The following PDPK1 variants were observed in gnomAD, a reference collection of about 807,000 sequenced individuals.
PDPK1 encodes the protein 3-phosphoinositide dependent protein kinase 1.
PDPK1 carries 7 observed loss-of-function variants against 39.8 expected under a neutral mutation model. That is an observed-to-expected ratio of 0.18 (90% CI 0.10 to 0.33). PDPK1 has a LOEUF of 0.33. Among genes scored for constraint, PDPK1 ranks in the 10% least tolerant of loss-of-function variants. PDPK1 has a pLI of 1.00. For synonymous variants in PDPK1, 118 were observed against 159.1 expected (o/e 0.74, Z 1.95); for missense variants, 182 against 384.7 (o/e 0.47, Z 4.41).
intron 7 of PDPK1, chr16:2,578,362 G>A (rs2066757822): frequency 6.9e-6 from 1 of 145,918 alleles, no homozygotes; most frequent in South Asian, 2.2e-4. Flanking sequence ...GCGGGTCAAG[G>A]AAGGGGAAAG....
chr16:2,587,847 C>T (rs1392211668), intron 11 of PDPK1, among the ~76,000 whole-genome samples: 3 of 152,242 alleles, frequency 2.0e-5, no homozygotes, highest in Admixed American at 2.0e-4. Flanking sequence ...ATGGAAGCTG[C>T]AAATTCTTAC....
chr16:2,594,159 C>G (rs1005200820), intron 11 of PDPK1: 1 of 152,394 alleles, frequency 6.6e-6, no homozygotes, highest in Admixed American at 6.5e-5. Flanking sequence ...GTCCGGTCTT[C>G]TCACAAGTGC....
intron 6 of PDPK1, chr16:2,575,866 G>A (rs1272202475): frequency 1.4e-5 from 2 of 137,966 alleles, no homozygotes; most frequent in African/African-American, 3.2e-5. Flanking sequence ...ATACGGCTCC[G>A]CGTGCTGCAC....
In PDPK1 at chr16:2,599,791, G is replaced by T. The variant is rs187363186; in HGVS notation, c.*2024G>T. Reference sequence around the variant, plus strand: ...GTGGCTCTCTCAGATCTCTCAGGGCGTCTGGTTATAGGGAAACAAGTGGAG... The same window carrying T: ...GTGGCTCTCTCAGATCTCTCAGGGCTTCTGGTTATAGGGAAACAAGTGGAG... On this transcript the variant is annotated 3_prime_UTR_variant, in exon 14 of 14. Coordinates refer to ENST00000342085, the MANE Select transcript of PDPK1 (RefSeq NM_002613.5). The T allele has an allele frequency of 4.3e-6, 1 of 233,740 alleles. No homozygotes were observed. Among genetic ancestry groups the T allele is most frequent in the Non-Finnish European group, 8.4e-6 (1 of 118,352 alleles). 14.5% of individuals were successfully genotyped at this position (233,740 alleles called of 1,614,324 possible).
intron 10 of PDPK1, among the ~76,000 whole-genome samples, chr16:2,585,388 C>T (rs972241469): frequency 1.3e-5 from 2 of 152,202 alleles, no homozygotes; most frequent in Non-Finnish European, 2.9e-5. Flanking sequence ...TCTTGGCAAA[C>T]GGTGTCAAGC....
intron 1 of PDPK1, among the ~76,000 whole-genome samples, chr16:2,547,004 C>G (rs1224309530): frequency 1.3e-5 from 2 of 149,336 alleles, no homozygotes; most frequent in Non-Finnish European, 2.9e-5. Flanking sequence ...CCACCGTGTG[C>G]CAGTGCTGGC....
rs2066285002 is a variant in PDPK1 at position 2,543,863 on chromosome 16, AGGCACGT to A, written c.24+5729_24+5735del. ...CAGCCTCCTGAGTAGCTGGGATTAC[AGGCACGT>A]GCCACCGCACCCGGCTAATTTTTTT... On this transcript the variant is annotated intron_variant, in intron 1 of 13. Coordinates refer to ENST00000342085, the MANE Select transcript of PDPK1 (RefSeq NM_002613.5). 4.0e-5 allele frequency among the ~76,000 whole-genome samples: 6 copies of A among 150,624 alleles called. No individual in the cohort carries two copies. In the South Asian group the frequency reaches 1.3e-3, roughly 32 times the overall value.
intron 10 of PDPK1, among the ~76,000 whole-genome samples, 177 bp from the exon 11 acceptor site, chr16:2,586,499 C>A (rs1482298896): frequency 6.6e-6 from 1 of 152,268 alleles, no homozygotes; most frequent in Non-Finnish European, 1.5e-5. Context: ...CCAGTGAGGC[C>A]TCGGTTCTGT....
chr16:2,553,050 G>A (rs112927324), intron 1 of PDPK1, among the ~76,000 whole-genome samples: 4,745 of 146,324 alleles, frequency 0.032, 857 homozygotes, highest in African/African-American at 0.12. Context: ...CTGTGTGTGT[G>A]TAGCAAAGCC....
rs1267079341 is a variant in PDPK1, at chr16:2,558,758, C to T, written c.285+795C>T. On this transcript the variant is annotated intron_variant, in intron 2 of 13. Coordinates refer to ENST00000342085, the MANE Select transcript of PDPK1 (RefSeq NM_002613.5). The stretch of plus-strand genomic sequence containing the variant: ...GCCACTGTGGTCGCCAAGGTGGCCG[C>T]CGTGTGCGTGCTAGGGCCATTCCAG... Among the ~76,000 whole-genome samples the T allele has an allele frequency of 3.4e-5, 5 of 146,482 alleles. No individual in the cohort carries two copies. In the East Asian group the frequency reaches 9.8e-4, roughly 29 times the overall value.
Position 2,538,122 on chromosome 16 carries a change from A to G in PDPK1, c.10A>G (p.Thr4Ala). The G allele has an allele frequency of 9.4e-7, 1 of 1,064,674 alleles. No individual in the cohort carries two copies. Among genetic ancestry groups the G allele is most frequent in the Non-Finnish European group, 1.1e-6 (1 of 880,694 alleles). 66.0% of individuals were successfully genotyped at this position (1,064,674 alleles called of 1,614,324 possible). A position where few individuals can be genotyped will look rare whatever the true frequency, so the allele number is the denominator to read the frequency against. Residue 4 changes from threonine (T) to alanine (A), a missense_variant, in exon 1 of 14, where the codon ACC (threonine) becomes GCC (alanine). Coordinates refer to ENST00000342085, the MANE Select transcript of PDPK1 (RefSeq NM_002613.5). ...CGCCGACGCGGGGCCCATGGCCAGG[A>G]CCACCAGCCAGCTGGTGAGCGCGCG... Reference protein sequence around the residue: MARTTSQLYDAVPI... With the variant: MARATSQLYDAVPI...
chr16:2,541,087 G>A (rs1389534950), intron 1 of PDPK1, among the ~76,000 whole-genome samples: 1 of 152,210 alleles, frequency 6.6e-6, no homozygotes, highest in Non-Finnish European at 1.5e-5. Flanking sequence ...AGCTGGCAAG[G>A]TGAGCTCCCA....
At chr16:2,580,076 A>G (rs1293307553) in intron 7 of PDPK1, 1 of 149,906 alleles carries the variant, frequency 6.7e-6, no homozygotes, top group African/African-American at 2.5e-5. Flanking sequence ...CTTTCTGTGC[A>G]TTTTATAGCT....
intron 1 of PDPK1, among the ~76,000 whole-genome samples, chr16:2,542,965 T>G (rs2066271000): frequency 7.3e-6 from 1 of 136,804 alleles, no homozygotes; most frequent in Non-Finnish European, 1.6e-5. Flanking sequence ...AAATTCATCG[T>G]TAAAGTCCCA....
At position 2,603,151 on chromosome 16, in the gene PDPK1, T is replaced by A. The variant is rs541541489; in HGVS notation, c.*5384T>A. The A allele has an allele frequency of 9.0e-6, 2 of 221,502 alleles. No homozygotes were observed. Among genetic ancestry groups the A allele is most frequent in the South Asian group, 3.7e-4 (2 of 5,420 alleles). The allele number at this position is 221,502 out of a possible 1,614,324, so 13.7% of individuals were successfully genotyped here. On this transcript the variant is annotated 3_prime_UTR_variant, in exon 14 of 14. Transcript: ENST00000342085. ...TACCAGATGATGAATTTTCCTCGTA[T>A]GGTCAGTAGTCTTGTAATAAAAAGC...
chr16:2,538,128 A>G lies in PDPK1; in HGVS notation c.16A>G (p.Ser6Gly). 1.9e-6 allele frequency: 2 copies of G among 1,063,184 alleles called. No homozygotes were observed. Among genetic ancestry groups the G allele is most frequent in the Non-Finnish European group, 2.3e-6 (2 of 879,884 alleles). 65.9% of individuals were successfully genotyped at this position (1,063,184 alleles called of 1,614,324 possible). A position where few individuals can be genotyped will look rare whatever the true frequency, so the allele number is the denominator to read the frequency against. The change falls in exon 1 of 14, where the codon AGC becomes GGC. Residue 6 changes from serine (S) to glycine (G), a missense_variant. Ser to Gly is a moderately conservative substitution (Grantham distance 56). Coordinates refer to ENST00000342085, the MANE Select transcript of PDPK1 (RefSeq NM_002613.5). Reference protein sequence around the residue: MARTTSQLYDAVPIQS... With the variant: MARTTGQLYDAVPIQS... ...CGCGGGGCCCATGGCCAGGACCACC[A>G]GCCAGCTGGTGAGCGCGCGGCGGCG...
chr16:2,577,332 G>C (rs1482053257), intron 6 of PDPK1, 93 bp from the exon 7 acceptor site: 1 of 698,798 alleles, frequency 1.4e-6, no homozygotes, highest in Non-Finnish European at 2.6e-6. Flanking sequence ...CTGGCTCCTG[G>C]GGGTGCATGG....
In PDPK1 at chr16:2,598,047, T is replaced by C. The variant is rs2067139030; in HGVS notation, c.*280T>C. The C allele has an allele frequency of 4.1e-6, 2 of 492,600 alleles. No homozygotes were observed. The highest frequency in any genetic ancestry group is 3.8e-5 in the African/African-American group (2 of 52,120). 30.5% of individuals were successfully genotyped at this position (492,600 alleles called of 1,614,324 possible). Reference sequence around the variant, plus strand: ...GCCCTCGTTGCCGTGGGGACCCAGCTCCATGCACGTCAACCCAGTCCCGCC... The same window carrying C: ...GCCCTCGTTGCCGTGGGGACCCAGCCCCATGCACGTCAACCCAGTCCCGCC... On this transcript the variant is annotated 3_prime_UTR_variant, in exon 14 of 14. Transcript: ENST00000342085.
At chr16:2,545,266 G>A (rs970115950) in intron 1 of PDPK1, among the ~76,000 whole-genome samples, 16 of 152,004 alleles carry the variant, frequency 1.1e-4, no homozygotes, top group Non-Finnish European at 1.5e-4. Context: ...ATGCAAAGGT[G>A]ACGTGCAGCC....
Sources: allele counts gnomAD v4.1 joint callset (sites outside exome capture counted in the v4.1 genomes callset), GRCh38; gene constraint gnomAD v4.1.1; transcripts MANE v1.5; gene names NCBI Gene and HGNC (gene_info 2026-07-23, HGNC 2026-07-21).